Variants in GIGYF2 observed in about 807,000 individuals in gnomAD.
The protein encoded by GIGYF2 is GRB10-interacting GYF protein 2.
A neutral mutation model predicts 208.1 loss-of-function variants in GIGYF2; 25 were observed. The observed-to-expected ratio is 0.12, with a 90% CI of 0.09 to 0.17. The LOEUF is 0.17. GIGYF2 is among the 10% of genes least tolerant of loss of function. The pLI, the probability that GIGYF2 is intolerant of heterozygous loss-of-function variation, is 1.00. For synonymous variants in GIGYF2, 534 were observed against 543.8 expected, an observed-to-expected ratio of 0.98 and a Z score of 0.25; for missense variants, 1,302 against 1,579.4, an observed-to-expected ratio of 0.82 and a Z score of 2.98.
intron 21 of GIGYF2, among the ~76,000 whole-genome samples, chr2:232,827,392 T>G (rs142609942): frequency 6.6e-6 from 1 of 152,348 alleles, no homozygotes; most frequent in African/African-American, 2.4e-5. Context: ...AGTTCACCGT[T>G]GAGACCATCA....
chr2:232,819,416 C>A (rs1202788756), intron 20 of GIGYF2, among the ~76,000 whole-genome samples: 2 of 151,954 alleles, frequency 1.3e-5, no homozygotes, highest in African/African-American at 2.4e-5. Flanking sequence ...CTTATCTTAC[C>A]CCAAATTTTT....
chr2:232,729,791 C>G (rs184739622), intron 2 of GIGYF2: 1 of 748,584 alleles, frequency 1.3e-6, no homozygotes, highest in East Asian at 2.5e-5. Flanking sequence ...GACTTGGCAA[C>G]GAGTGCAGGT....
At chr2:232,718,381 G>A (rs1004726020) in intron 2 of GIGYF2, among the ~76,000 whole-genome samples, 4 of 152,136 alleles carry the variant, frequency 2.6e-5, no homozygotes, top group Non-Finnish European at 4.4e-5. Context: ...TTATAGGCAT[G>A]AGCCACCGCA....
intron 8 of GIGYF2, among the ~76,000 whole-genome samples, chr2:232,781,480 G>A (rs1699722310): frequency 6.6e-6 from 1 of 151,514 alleles, no homozygotes; most frequent in Non-Finnish European, 1.5e-5. Flanking sequence ...AGTAGTAATT[G>A]GAAATGTGTA....
At chr2:232,737,195 T>G (rs1396440932) in intron 3 of GIGYF2, among the ~76,000 whole-genome samples, 1 of 152,180 alleles carries the variant, frequency 6.6e-6, no homozygotes, top group Admixed American at 6.5e-5. Flanking sequence ...ACACCATGAG[T>G]TCTCAAGGTC....
At position 232,836,331 on chromosome 2, in the gene GIGYF2, CATATATAT is replaced by C. The variant is rs1295122579; in HGVS notation, c.2766+3240_2766+3247del. Among the ~76,000 whole-genome samples the C allele has an allele frequency of 5.8e-3, 86 of 14,936 alleles. 9 individuals carry two copies. Among genetic ancestry groups the C allele is most frequent in the African/African-American group, 0.015 (59 of 3,962 alleles). 9.8% of individuals were successfully genotyped at this position (14,936 alleles called of 152,430 possible). The stretch of plus-strand genomic sequence containing the variant: ...ATATATATATATATATATATATATA[CATATATAT>C]ACTTATATATTTATATATATAAATA... On this transcript the variant is annotated intron_variant, in intron 22 of 28. Coordinates refer to ENST00000373563, the MANE Select transcript of GIGYF2 (RefSeq NM_001103146.3).
chr2:232,822,303 A>G (rs1259833966), intron 21 of GIGYF2, among the ~76,000 whole-genome samples: 1 of 152,112 alleles, frequency 6.6e-6, no homozygotes. Context: ...TCTCAGTACC[A>G]TTTTGTTTTC....
chr2:232,739,927 C>T (rs1184631404), intron 3 of GIGYF2, among the ~76,000 whole-genome samples: 6 of 140,784 alleles, frequency 4.3e-5, no homozygotes, highest in African/African-American at 1.6e-4. Flanking sequence ...TGGTGAAACC[C>T]CATCTCTGCT....
chr2:232,721,111 A>T (rs1404651095), intron 2 of GIGYF2, among the ~76,000 whole-genome samples: 1 of 152,208 alleles, frequency 6.6e-6, no homozygotes, highest in Non-Finnish European at 1.5e-5. Context: ...ATTCCTTCAG[A>T]GGCACTGTCT....
chr2:232,816,645 T>G (rs1315053314), intron 19 of GIGYF2, among the ~76,000 whole-genome samples: 1 of 152,200 alleles, frequency 6.6e-6, no homozygotes, highest in African/African-American at 2.4e-5. Flanking sequence ...GGTGTTGATG[T>G]TGTAGCGTAT....
Position 232,833,010 on chromosome 2 carries a change from T to G in GIGYF2, c.2683T>G (p.Leu895Val), listed in dbSNP as rs767359496. The G allele has an allele frequency of 9.6e-6, 15 of 1,570,532 alleles. 1 individual carries two copies. The South Asian group carries it at 1.4e-4, about 15-fold the overall frequency. Residue 895 changes from leucine to valine, a missense_variant, in exon 22 of 29, where the codon TTA (leucine) becomes GTA (valine). Physicochemically the swap from Leu to Val is conservative, Grantham distance 32. Coordinates refer to ENST00000373563, the MANE Select transcript of GIGYF2 (RefSeq NM_001103146.3). The stretch of plus-strand genomic sequence containing the variant: ...GCTGGAGGTCCAGCGGCAGAAGGAG[T>G]TAATGCGCCAGAGGCAGCAGCAGCA... ...KELEVQRQKE[L>V]MRQRQQQQEA...
At chr2:232,811,377 A>C in intron 17 of GIGYF2, 26 bp downstream of exon 17, 1 of 1,205,570 alleles carries the variant, frequency 8.3e-7, no homozygotes. Context: ...ATTATGTGTC[A>C]TATGGGGTGC....
At position 232,787,401 on chromosome 2, in the gene GIGYF2, T is replaced by C. The variant is rs527773946; in HGVS notation, c.712+72T>C. On this transcript the variant is annotated intron_variant, in intron 9 of 28. Transcript: ENST00000373563. ...AAGTTTGATGGAAATAGGGATTAAA[T>C]GAAAAAGATAAACTGGCTTAAAAAA... 5.3e-5 allele frequency: 69 copies of C among 1,313,900 alleles called. 1 individual carries two copies. The East Asian group carries it at 1.4e-3, about 26-fold the overall frequency. The allele number at this position is 1,313,900 out of a possible 1,614,324, so 81.4% of individuals were successfully genotyped here.
intron 2 of GIGYF2, among the ~76,000 whole-genome samples, chr2:232,704,856 A>ATTTTTTT (rs10689292): frequency 0.014 from 1,409 of 101,916 alleles, 124 homozygotes; most frequent in Non-Finnish European, 0.018. Context: ...TAACTTCTGG[A>ATTTTTTT]TTTTTTTTTT....
At chr2:232,827,038 C>T (rs1208303905) in intron 21 of GIGYF2, among the ~76,000 whole-genome samples, 1 of 152,096 alleles carries the variant, frequency 6.6e-6, no homozygotes, top group African/African-American at 2.4e-5. Context: ...AAGATATCAT[C>T]TAGGACTTTC....
intron 2 of GIGYF2, among the ~76,000 whole-genome samples, chr2:232,721,408 G>A (rs536128952): frequency 1.3e-5 from 2 of 152,180 alleles, no homozygotes; most frequent in South Asian, 4.2e-4. Context: ...TGGCTTTCTT[G>A]TGGTAACTTA....
intron 8 of GIGYF2, among the ~76,000 whole-genome samples, chr2:232,785,999 T>C (rs1486300258): frequency 6.6e-6 from 1 of 152,240 alleles, no homozygotes; most frequent in African/African-American, 2.4e-5. Flanking sequence ...ATAAATGTTA[T>C]GAGTTATATA....
At chr2:232,786,041 TTTG>T (rs1251746709) in intron 8 of GIGYF2, among the ~76,000 whole-genome samples, 1 of 152,226 alleles carries the variant, frequency 6.6e-6, no homozygotes, top group East Asian at 1.9e-4. Flanking sequence ...GACTGAAGAA[TTTG>T]TTTGCACAAT....
At chr2:232,757,531 A>G (rs1698594478) in intron 6 of GIGYF2, among the ~76,000 whole-genome samples, 1 of 152,124 alleles carries the variant, frequency 6.6e-6, no homozygotes, top group Non-Finnish European at 1.5e-5. Flanking sequence ...TTTGAGATCC[A>G]TGCATCTTGG....
Sources: allele counts gnomAD v4.1 joint callset (sites outside exome capture counted in the v4.1 genomes callset), GRCh38; gene constraint gnomAD v4.1.1; transcripts MANE v1.5; gene names NCBI Gene and HGNC (gene_info 2026-07-23, HGNC 2026-07-21).